The following NPNT variants were observed in gnomAD, a reference collection of about 807,000 sequenced individuals.
NPNT encodes nephronectin, also known as preosteoblast EGF-like repeat protein with MAM domain.
A neutral mutation model predicts 68.6 loss-of-function variants in NPNT; 45 were observed. The observed-to-expected ratio is 0.66, with a 90% CI of 0.52 to 0.84. The LOEUF (loss-of-function observed/expected upper bound fraction) is 0.84, where lower values mean the gene tolerates loss of function less well. Ranked by LOEUF, NPNT falls within the 40% of genes least tolerant of loss-of-function variation. The probability of loss-of-function intolerance (pLI) is 0.00; values close to 1 mark genes in which losing one functional copy is unlikely to be tolerated. For missense variants in NPNT, 672 were observed against 714.8 expected, an observed-to-expected ratio of 0.94 and a Z score of 0.68; for synonymous variants, 233 against 253.3, an observed-to-expected ratio of 0.92 and a Z score of 0.76.
chr4:105,940,386 G>T, intron 6 of NPNT, 128 bp from the exon 7 acceptor site: 4 of 1,081,086 alleles, frequency 3.7e-6, no homozygotes, highest in Non-Finnish European at 5.4e-6. Context: ...TATTTCTTCT[G>T]TTTATCTGCC....
rs533129274 is a variant in NPNT, at chr4:105,969,706, A to G, written c.*716A>G. On this transcript the variant is annotated 3_prime_UTR_variant, in exon 12 of 12. Transcript: ENST00000379987. The stretch of plus-strand genomic sequence containing the variant: ...ATTTACAGACTCTAGTTGCAAGGTA[A>G]AGGGCAGCTTGTGATCTCAAAAAAA... 2 of 152,374 alleles carry G rather than the reference A, an allele frequency of 1.3e-5. No individual in the cohort carries two copies. The highest frequency in any genetic ancestry group is 1.3e-4 in the Admixed American group (2 of 15,288). 9.4% of individuals were successfully genotyped at this position (152,374 alleles called of 1,614,324 possible).
chr4:105,967,096 A>G, intron 10 of NPNT, 92 bp from the exon 11 acceptor site: 1 of 910,890 alleles, frequency 1.1e-6, no homozygotes, highest in Admixed American at 3.1e-5. Context: ...CAAAGAAAAG[A>G]AAAAAAAAAA....
chr4:105,952,862 G>A (rs757138627), intron 8 of NPNT, among the ~76,000 whole-genome samples: 24 of 152,172 alleles, frequency 1.6e-4, no homozygotes, highest in South Asian at 4.1e-4. Context: ...ATTCTGGTGC[G>A]AAGGACTCAT....
rs1452788645 is a variant in NPNT at position 105,952,540 on chromosome 4, T to C, written c.1160-5931T>C. On this transcript the variant is annotated intron_variant, in intron 8 of 11. Coordinates refer to ENST00000379987, the MANE Select transcript of NPNT (RefSeq NM_001033047.3). ...CTGGGCAGCAGAGCGAGACTCTATC[T>C]CCAAAATAAAATAAAATAAACAAAA... 2.0e-5 allele frequency among the ~76,000 whole-genome samples: 3 copies of C among 152,154 alleles called. No individual in the cohort carries two copies. In the East Asian group the frequency reaches 5.8e-4, roughly 29 times the overall value.
Position 105,940,535 on chromosome 4 carries a change from G to A in NPNT, c.662G>A (p.Gly221Asp), listed in dbSNP as rs1483728077. The A allele has an allele frequency of 1.2e-6, 2 of 1,612,924 alleles. No individual in the cohort carries two copies. Among genetic ancestry groups the A allele is most frequent in the South Asian group, 1.1e-5 (1 of 91,048 alleles). ...QCHDIDECSL[G>D]QYQCSSFARC... is the part of the protein sequence containing the mutation. ...GCAGACATAGACGAATGCTCACTTG[G>A]TCAGTATCAGTGCAGCAGCTTTGCT... Residue 221 changes from glycine (G) to aspartate (D), a missense_variant, in exon 7 of 12, where the codon GGT becomes GAT. Physicochemically the swap from Gly to Asp is moderately conservative, Grantham distance 94. Transcript: ENST00000379987.
Position 105,967,277 on chromosome 4 carries a change from G to A in NPNT, c.1435G>A (p.Gly479Arg), listed in dbSNP as rs1210917038. ...VLPLGRLMHS[G>R]DLCLSFRHKV... ...ACCTCTCGGCCGCCTCATGCATTCA[G>A]GGGACCTGTGCCTGTCATTCAGGCA... Residue 479 changes from glycine (G) to arginine (R), a missense_variant, in exon 11 of 12, where the codon GGG becomes AGG. Gly to Arg is a moderately radical substitution (Grantham distance 125). Coordinates refer to ENST00000379987, the MANE Select transcript of NPNT (RefSeq NM_001033047.3). 2.5e-6 allele frequency: 4 copies of A among 1,613,974 alleles called. No individual in the cohort carries two copies. In the African/African-American group the frequency reaches 4.0e-5, roughly 16 times the overall value.
In NPNT at chr4:105,971,164, T is replaced by A. The variant is rs1397790177; in HGVS notation, c.*2174T>A. On this transcript the variant is annotated 3_prime_UTR_variant, in exon 12 of 12. Transcript: ENST00000379987. Reference sequence around the variant, plus strand: ...AGAGATTTTCATCGGGTGCATTCTCTCTGCTTCGTGTGTGACAAGTTATCT... The same window carrying A: ...AGAGATTTTCATCGGGTGCATTCTCACTGCTTCGTGTGTGACAAGTTATCT... The A allele has an allele frequency of 4.4e-6, 2 of 455,950 alleles. No homozygotes were observed. The highest frequency in any genetic ancestry group is 4.0e-5 in the African/African-American group (2 of 50,048). 28.2% of individuals were successfully genotyped at this position (455,950 alleles called of 1,614,324 possible).
intron 2 of NPNT, among the ~76,000 whole-genome samples, chr4:105,917,908 A>G (rs181219008): frequency 5.9e-5 from 9 of 152,340 alleles, no homozygotes; most frequent in Admixed American, 5.9e-4. Flanking sequence ...TTGAAATAGT[A>G]TAATGATCTA....
chr4:105,959,228 T>TG, intron 10 of NPNT, 102 bp downstream of exon 10: 2 of 715,316 alleles, frequency 2.8e-6, no homozygotes, highest in Non-Finnish European at 4.9e-6. Context: ...CATCTCTGTG[T>TG]TTACTTGATA....
intron 3 of NPNT, chr4:105,932,822 G>A: frequency 1.6e-6 from 1 of 633,880 alleles, no homozygotes; most frequent in Non-Finnish European, 2.7e-6. Flanking sequence ...TCAGCCCTGA[G>A]CATGAGCAAG....
At chr4:105,898,435 G>A (rs188622269) in intron 2 of NPNT, among the ~76,000 whole-genome samples, 120 of 146,604 alleles carry the variant, frequency 8.2e-4, no homozygotes, top group East Asian at 2.4e-4. Context: ...AGTCTAGACC[G>A]TATTTACACT....
chr4:105,898,189 A>G (rs892737076), intron 2 of NPNT, 188 bp downstream of exon 2: 1 of 418,424 alleles, frequency 2.4e-6, no homozygotes, highest in East Asian at 3.6e-5. Flanking sequence ...CACCTGTATT[A>G]CGGCCCAGCT....
chr4:105,942,731 CAA>C (rs1560925574), intron 8 of NPNT, 29 bp downstream of exon 8: 1 of 1,559,306 alleles, frequency 6.4e-7, no homozygotes, highest in Non-Finnish European at 8.7e-7. Context: ...AGCACATTTT[CAA>C]TAGGCTCTTT....
rs78440736 is a variant in NPNT at position 105,971,418 on chromosome 4, G to A, written c.*2428G>A. 8,517 of 222,286 alleles carry A rather than the reference G, an allele frequency of 0.038. 346 individuals are homozygous for A. The highest frequency in any genetic ancestry group is 0.14 in the Admixed American group (2,697 of 19,744). 13.8% of individuals were successfully genotyped at this position (222,286 alleles called of 1,614,324 possible). A position where few individuals can be genotyped will look rare whatever the true frequency, so the allele number is the denominator to read the frequency against. On this transcript the variant is annotated 3_prime_UTR_variant, in exon 12 of 12. Coordinates refer to ENST00000379987, the MANE Select transcript of NPNT (RefSeq NM_001033047.3). Reference sequence around the variant, plus strand: ...TTGAGTAACGGCAGAATATATGGCTGTAGATCCATTTTTAATGGTTCATTT... The same window carrying A: ...TTGAGTAACGGCAGAATATATGGCTATAGATCCATTTTTAATGGTTCATTT...
chr4:105,911,057 C>T (rs1410818821), intron 2 of NPNT, among the ~76,000 whole-genome samples: 1 of 151,970 alleles, frequency 6.6e-6, no homozygotes, highest in African/African-American at 2.4e-5. Context: ...ATAGTCATAA[C>T]TTGTGTGATC....
chr4:105,937,135 C>CA lies in NPNT; in HGVS notation c.385+9dup. On this transcript the variant is annotated splice_region_variant and intron_variant, in intron 4 of 11. Coordinates refer to ENST00000379987, the MANE Select transcript of NPNT (RefSeq NM_001033047.3). ...CCGGATGGTTCCTGCTCAAGTATGT[C>CA]AAGAATCTTAACTGTTTTATAAGTG... is the stretch of plus-strand genomic sequence containing the variant. The CA allele has an allele frequency of 6.2e-7, 1 of 1,612,490 alleles. No homozygotes were observed. The highest frequency in any genetic ancestry group is 8.5e-7 in the Non-Finnish European group (1 of 1,179,258).
At chr4:105,966,789 G>T (rs1325692063) in intron 10 of NPNT, among the ~76,000 whole-genome samples, 2 of 152,034 alleles carry the variant, frequency 1.3e-5, no homozygotes, top group African/African-American at 4.8e-5. Flanking sequence ...AGAAATTTAG[G>T]GTCAGTTTTA....
intron 2 of NPNT, among the ~76,000 whole-genome samples, chr4:105,914,669 A>G (rs947391880): frequency 6.6e-6 from 1 of 151,610 alleles, no homozygotes; most frequent in African/African-American, 2.4e-5. Flanking sequence ...GTGAGAGCAT[A>G]TCTTAAGGGG....
chr4:105,953,728 A>G (rs574717200), intron 8 of NPNT, among the ~76,000 whole-genome samples: 8 of 152,374 alleles, frequency 5.3e-5, no homozygotes, highest in Non-Finnish European at 1.2e-4. Flanking sequence ...GAATATTGGA[A>G]TAATTACATA....
Sources: gnomAD v4.1 joint callset for allele counts (sites outside exome capture counted in the v4.1 genomes callset) on GRCh38, gnomAD v4.1.1 for gene constraint, MANE v1.5 for transcripts, NCBI Gene and HGNC (gene_info 2026-07-23, HGNC 2026-07-21) for gene names.